DNMT3A: variants seen among roughly 807,000 people sequenced by gnomAD.
DNMT3A encodes DNA (cytosine-5)-methyltransferase 3A.
In DNMT3A, 267 loss-of-function variants were observed where a neutral mutation model predicts 117.6. The observed-to-expected ratio is 2.27, with a 90% CI of 2.05 to 2.51. The LOEUF (loss-of-function observed/expected upper bound fraction) is 2.51. Among genes scored for constraint, DNMT3A ranks in the 30% most tolerant of loss-of-function variants. The pLI is 0.00. For missense variants in DNMT3A, 1,029 were observed against 1,260.2 expected, an observed-to-expected ratio of 0.82 and a Z score of 2.78; for synonymous variants, 432 against 474.8, an observed-to-expected ratio of 0.91 and a Z score of 1.17.
chr2:25,314,823 T>G (rs1013232271), intron 1 of DNMT3A, among the ~76,000 whole-genome samples: 7 of 152,156 alleles, frequency 4.6e-5, no homozygotes, highest in African/African-American at 1.7e-4. Context: ...TGAACCAGCC[T>G]CATTTGCCTG....
At chr2:25,266,019 A>G (rs574419163) in intron 6 of DNMT3A, among the ~76,000 whole-genome samples, 1 of 151,916 alleles carries the variant, frequency 6.6e-6, no homozygotes, top group East Asian at 1.9e-4. Flanking sequence ...TTTTTTTCTC[A>G]CCACTAAAAA....
chr2:25,245,085 C>A, intron 13 of DNMT3A, among the ~76,000 whole-genome samples, 168 bp downstream of exon 13: 1 of 152,256 alleles, frequency 6.6e-6, no homozygotes, highest in Non-Finnish European at 1.5e-5. Flanking sequence ...AAGCTTGAAA[C>A]CCAAGGGCCC....
intron 6 of DNMT3A, among the ~76,000 whole-genome samples, chr2:25,262,480 T>C (rs933086064): frequency 6.6e-6 from 1 of 152,186 alleles, no homozygotes; most frequent in Non-Finnish European, 1.5e-5. Context: ...CAAGATTCTC[T>C]ACCTCAGATA....
At chr2:25,319,438 C>T (rs1373114367) in intron 1 of DNMT3A, among the ~76,000 whole-genome samples, 1 of 152,206 alleles carries the variant, frequency 6.6e-6, no homozygotes, top group Admixed American at 6.5e-5. Context: ...GCGTAAGCCA[C>T]CGTGCTGGGC....
In DNMT3A at chr2:25,298,720, G is replaced by A. The variant is rs909564461; in HGVS notation, c.177+1419C>T. On this transcript the variant is annotated intron_variant, in intron 3 of 22. Coordinates refer to ENST00000321117, the MANE Select transcript of DNMT3A (RefSeq NM_022552.5). The surrounding 1 kb of genome is among the most constrained non-coding windows in gnomAD (Gnocchi z 4.3). The stretch of plus-strand genomic sequence containing the variant: ...CAGAAAGTCCTCTCTGAAGCCCCGT[G>A]TTATTTTTCAACATCACGTGAATTT... Among the ~76,000 whole-genome samples, 2 of 152,154 alleles carry A rather than the reference G, an allele frequency of 1.3e-5. No individual in the cohort carries two copies. The highest frequency in any genetic ancestry group is 6.5e-5 in the Admixed American group (1 of 15,284).
At chr2:25,265,564 A>C (rs2030250236) in intron 6 of DNMT3A, among the ~76,000 whole-genome samples, 1 of 152,190 alleles carries the variant, frequency 6.6e-6, no homozygotes, top group South Asian at 2.1e-4. Context: ...CATGCCTGTA[A>C]TCCCAGCACT....
At chr2:25,264,582 C>G (rs1031039319) in intron 6 of DNMT3A, among the ~76,000 whole-genome samples, 1 of 152,060 alleles carries the variant, frequency 6.6e-6, no homozygotes, top group Non-Finnish European at 1.5e-5. Context: ...ATTCTCCTGC[C>G]TCAGCCTCCC....
At chr2:25,283,216 G>A (rs1028708332) in intron 3 of DNMT3A, among the ~76,000 whole-genome samples, 6 of 152,092 alleles carry the variant, frequency 3.9e-5, no homozygotes, top group Admixed American at 3.9e-4. Flanking sequence ...TACAAAGTTA[G>A]TTGGGGATGG....
intron 1 of DNMT3A, among the ~76,000 whole-genome samples, chr2:25,335,087 T>C (rs1573513538): frequency 6.6e-6 from 1 of 152,262 alleles, no homozygotes; most frequent in African/African-American, 2.4e-5. Flanking sequence ...AACATGTGTA[T>C]ATTTGTATCG....
chr2:25,300,160 C>T lies in DNMT3A; in HGVS notation c.156G>A (p.Gly52=). ...STTARKVGRP[G]RKRKHPPVES... The stretch of plus-strand genomic sequence containing the variant: ...TCACCGGGGGGTGCTTGCGCTTCCT[C>T]CCAGGCCGCCCCACCTTCCGTGCCG... The change falls in exon 3 of 23, where the codon GGG becomes GGA. Residue 52 remains glycine (G), a synonymous_variant. Transcript: ENST00000321117. 1 of 1,613,364 alleles carries T rather than the reference C, an allele frequency of 6.2e-7. No homozygotes were observed. The highest frequency in any genetic ancestry group is 1.1e-5 in the South Asian group (1 of 91,074).
rs905876341 is a variant in DNMT3A at position 25,293,424 on chromosome 2, A to G, written c.177+6715T>C. Among the ~76,000 whole-genome samples, 2 of 152,222 alleles carry G rather than the reference A, an allele frequency of 1.3e-5. No homozygotes were observed. Among genetic ancestry groups the G allele is most frequent in the African/African-American group, 4.8e-5 (2 of 41,446 alleles). On this transcript the variant is annotated intron_variant, in intron 3 of 22. Coordinates refer to ENST00000321117, the MANE Select transcript of DNMT3A (RefSeq NM_022552.5). This position sits in a 1 kb window ranked among gnomAD's most constrained non-coding sequence, Gnocchi z 4.7. ...CAACCTTCCAGATAACACATTTTTC[A>G]GAGAGGATAAAGAGTAAAAGCCCCT...
intron 4 of DNMT3A, among the ~76,000 whole-genome samples, chr2:25,277,965 C>T (rs1311713302): frequency 6.6e-6 from 1 of 151,792 alleles, no homozygotes; most frequent in African/African-American, 2.4e-5. Context: ...CTGGAATTTT[C>T]TCCCTGACAG....
At position 25,233,329 on chromosome 2, in the gene DNMT3A, C is replaced by T. The variant is rs1672981576; in HGVS notation, c.*950G>A. 4.3e-6 allele frequency: 1 copy of T among 233,680 alleles called. No homozygotes were observed. Among genetic ancestry groups the T allele is most frequent in the African/African-American group, 2.2e-5 (1 of 45,312 alleles). The allele number at this position is 233,680 out of a possible 1,614,324, so 14.5% of individuals were successfully genotyped here. A position where few individuals can be genotyped will look rare whatever the true frequency, so the allele number is the denominator to read the frequency against. The stretch of plus-strand genomic sequence containing the variant: ...TGAGAACGCGCCATCTGCAAGCTGT[C>T]TCCCTTTCTCCATCCTTGGTGAAAC... On this transcript the variant is annotated 3_prime_UTR_variant, in exon 23 of 23. Coordinates refer to ENST00000321117, the MANE Select transcript of DNMT3A (RefSeq NM_022552.5).
intron 4 of DNMT3A, among the ~76,000 whole-genome samples, chr2:25,277,193 G>C (rs767070976): frequency 3.3e-5 from 5 of 152,170 alleles, no homozygotes; most frequent in African/African-American, 4.8e-5. Context: ...CGCTTTGTTC[G>C]TGACCGGCCT....
Position 25,243,921 on chromosome 2 carries a change from G to GA in DNMT3A, c.1912dup (p.Ser638PhefsTer4). 6.4e-7 allele frequency: 1 copy of GA among 1,552,120 alleles called. No homozygotes were observed. The highest frequency in any genetic ancestry group is 8.7e-7 in the Non-Finnish European group (1 of 1,147,106). Reference sequence around the variant, plus strand: ...ACCTGTAGCGATTCCATCAAAGAGAGACAGCACCCGGATGGGCTTCCTCTT... The same window carrying GA: ...ACCTGTAGCGATTCCATCAAAGAGAGAACAGCACCCGGATGGGCTTCCTCTT... On this transcript the variant is annotated frameshift_variant, in exon 16 of 23. Coordinates refer to ENST00000321117, the MANE Select transcript of DNMT3A (RefSeq NM_022552.5). LOFTEE classifies it high-confidence loss of function.
At chr2:25,301,881 C>T (rs1037484449) in intron 2 of DNMT3A, among the ~76,000 whole-genome samples, 1 of 152,194 alleles carries the variant, frequency 6.6e-6, no homozygotes, top group African/African-American at 2.4e-5. Flanking sequence ...AGATGGCCCT[C>T]AACAACCTAC....
chr2:25,245,450 A>C, intron 12 of DNMT3A, 118 bp from the exon 13 acceptor site: 1 of 895,332 alleles, frequency 1.1e-6, no homozygotes. Context: ...GCAGCCAGAA[A>C]AGAGTCCAGG....
At chr2:25,292,749 C>G (rs749087779) in intron 3 of DNMT3A, among the ~76,000 whole-genome samples, 2 of 152,082 alleles carry the variant, frequency 1.3e-5, no homozygotes, top group Non-Finnish European at 2.9e-5. Context: ...TCGCTTATGT[C>G]TTTCTTGAGG....
rs1412651841 is a variant in DNMT3A, at chr2:25,237,968, G to C, written c.2409-963C>G. ...AGGATCTCAGTGTGGGAACCACGGG[G>C]CCTGCAGTCAAATCAGGTGCTCGAC... On this transcript the variant is annotated intron_variant, in intron 20 of 22. Transcript: ENST00000321117. The surrounding 1 kb of genome is among the most constrained non-coding windows in gnomAD (Gnocchi z 5.4). Among the ~76,000 whole-genome samples the C allele has an allele frequency of 2.0e-5, 3 of 152,266 alleles. No individual in the cohort carries two copies. Among genetic ancestry groups the C allele is most frequent in the Admixed American group, 6.5e-5 (1 of 15,290 alleles).
Sources: gnomAD v4.1 joint callset for allele counts (sites outside exome capture counted in the v4.1 genomes callset) on GRCh38, gnomAD v4.1.1 for gene constraint, Gnocchi (gnomAD v3.1) non-coding constraint, MANE v1.5 for transcripts, NCBI Gene and HGNC (gene_info 2026-07-23, HGNC 2026-07-21) for gene names.